The following SNX29 variants were observed in gnomAD, a reference collection of about 807,000 sequenced individuals.
SNX29 encodes the protein sorting nexin-29.
In SNX29, 78 loss-of-function variants were observed where a neutral mutation model predicts 102.1. The ratio of observed to expected loss-of-function variants is 0.76; its 90% confidence interval spans 0.64 to 0.92. The LOEUF (loss-of-function observed/expected upper bound fraction) is 0.92, where lower values mean the gene tolerates loss of function less well. Ranked by LOEUF, SNX29 falls within the 40% of genes least tolerant of loss-of-function variation. SNX29 has a pLI of 0.00. For missense variants in SNX29, 1,280 were observed against 1,061.7 expected (o/e 1.21, Z -2.86); for synonymous variants, 580 against 414.5 (o/e 1.40, Z -4.85).
At chr16:12,462,947 C>G (rs746786863) in intron 18 of SNX29, among the ~76,000 whole-genome samples, 1 of 152,222 alleles carries the variant, frequency 6.6e-6, no homozygotes, top group African/African-American at 2.4e-5. Flanking sequence ...GCTATGATCG[C>G]TGGATCCCCC....
intron 20 of SNX29, among the ~76,000 whole-genome samples, chr16:12,525,122 C>T (rs970857934): frequency 6.6e-6 from 1 of 152,076 alleles, no homozygotes; most frequent in Non-Finnish European, 1.5e-5. Flanking sequence ...TCACACATTT[C>T]GATCAAGGGA....
chr16:12,312,109 A>T (rs1397841650), intron 15 of SNX29, among the ~76,000 whole-genome samples: 1 of 152,164 alleles, frequency 6.6e-6, no homozygotes, highest in Non-Finnish European at 1.5e-5. Context: ...TGGGAAATGT[A>T]GTCTTTATCT....
chr16:12,540,745 C>G (rs76284831), intron 20 of SNX29, among the ~76,000 whole-genome samples: 17 of 152,240 alleles, frequency 1.1e-4, no homozygotes, highest in Admixed American at 7.2e-4. Context: ...CCTTGGGGCA[C>G]CATTGATCTT....
At chr16:12,564,224 C>G (rs531586818) in intron 20 of SNX29, among the ~76,000 whole-genome samples, 1,694 of 151,916 alleles carry the variant, frequency 0.011, 14 homozygotes, top group Non-Finnish European at 0.018. Flanking sequence ...CCCCACATCT[C>G]TAAGAGAAAA....
chr16:12,084,268 C>G (rs2052053445), intron 11 of SNX29, among the ~76,000 whole-genome samples: 1 of 152,020 alleles, frequency 6.6e-6, no homozygotes. Flanking sequence ...GCCTCAGCCT[C>G]ATGAGTAGCT....
intron 16 of SNX29, among the ~76,000 whole-genome samples, chr16:12,364,629 G>A (rs1321387212): frequency 6.6e-6 from 1 of 152,090 alleles, no homozygotes; most frequent in Non-Finnish European, 1.5e-5. Flanking sequence ...GACACAGCGC[G>A]GTGAAAGCTA....
intron 20 of SNX29, chr16:12,527,397 A>C (rs922565247): frequency 4.1e-6 from 2 of 485,110 alleles, no homozygotes; most frequent in Non-Finnish European, 7.9e-6. Flanking sequence ...AAGGAAATAA[A>C]CCCCCAAAGC....
intron 16 of SNX29, among the ~76,000 whole-genome samples, chr16:12,393,155 T>A (rs532093608): frequency 4.6e-5 from 7 of 152,330 alleles, no homozygotes; most frequent in African/African-American, 1.7e-4. Context: ...CATTTCATGA[T>A]TGGAACAAAG....
chr16:12,309,102 C>T (rs890092715), intron 15 of SNX29, among the ~76,000 whole-genome samples: 7 of 152,142 alleles, frequency 4.6e-5, no homozygotes, highest in Admixed American at 1.3e-4. Flanking sequence ...AAGTGTGTTT[C>T]GGAGTTATTT....
chr16:12,348,588 G>T (rs1018180791), intron 15 of SNX29, among the ~76,000 whole-genome samples: 7 of 152,080 alleles, frequency 4.6e-5, no homozygotes, highest in African/African-American at 1.4e-4. Flanking sequence ...CCTTTGAGAT[G>T]CTCCCAGCCC....
intron 11 of SNX29, among the ~76,000 whole-genome samples, chr16:12,093,128 T>G (rs2052627129): frequency 6.6e-6 from 1 of 152,230 alleles, no homozygotes; most frequent in East Asian, 1.9e-4. Flanking sequence ...TAATTCTGAG[T>G]GGCCAGCAGC....
rs548578246 is a variant in SNX29, at chr16:12,571,130, A to C, written c.*2501A>C. 1 of 232,496 alleles carries C rather than the reference A, an allele frequency of 4.3e-6. No individual in the cohort carries two copies. Among genetic ancestry groups the C allele is most frequent in the Non-Finnish European group, 8.5e-6 (1 of 117,646 alleles). 14.4% of individuals were successfully genotyped at this position (232,496 alleles called of 1,614,324 possible). On this transcript the variant is annotated 3_prime_UTR_variant, in exon 21 of 21. Coordinates refer to ENST00000566228, the MANE Select transcript of SNX29 (RefSeq NM_032167.5). ...GAATCCCATAGAATGTTCTGCAATG[A>C]TTGGGTCCATCTTGCTGCTCAGAAG...
rs1389640014 is a variant in SNX29 at position 12,461,840 on chromosome 16, C to T, written c.2038-15879C>T. ...GCATGGTGGCAGGTGCCTGTAATCC[C>T]AGCTACTGTGGAGGCTGAGGCAGGA... On this transcript the variant is annotated intron_variant, in intron 18 of 20. Coordinates refer to ENST00000566228, the MANE Select transcript of SNX29 (RefSeq NM_032167.5). Among the ~76,000 whole-genome samples the T allele has an allele frequency of 2.3e-4, 35 of 149,068 alleles. No homozygotes were observed. In the Admixed American group the frequency reaches 2.4e-3, roughly 10 times the overall value.
chr16:12,107,184 A>G (rs1263143093), intron 11 of SNX29, among the ~76,000 whole-genome samples: 1 of 152,122 alleles, frequency 6.6e-6, no homozygotes, highest in African/African-American at 2.4e-5. Flanking sequence ...GCAAGGCTGC[A>G]CGTGAAGGCG....
At chr16:12,163,080 C>T (rs1567267026) in intron 13 of SNX29, among the ~76,000 whole-genome samples, 1 of 152,166 alleles carries the variant, frequency 6.6e-6, no homozygotes. Flanking sequence ...TGGGGTTTCA[C>T]CATGTTGGCC....
chr16:12,261,922 G>A (rs1431138524), intron 14 of SNX29, among the ~76,000 whole-genome samples: 1 of 114,126 alleles, frequency 8.8e-6, no homozygotes, highest in East Asian at 2.7e-4. Context: ...GGAGTGAGTG[G>A]TTCCTGAGCC....
intron 18 of SNX29, among the ~76,000 whole-genome samples, chr16:12,449,013 G>T (rs116475874): frequency 6.6e-6 from 1 of 152,270 alleles, no homozygotes; most frequent in African/African-American, 2.4e-5. Context: ...AGAAGACTCA[G>T]TTTAGTTTCA....
At position 12,069,070 on chromosome 16, in the gene SNX29, A is replaced by G; in HGVS notation, c.1257A>G (p.Gly419=). ...GSYSPADAPL[G]SLENGTGPED... ...CTCTCTGCACAGATGCCCCCCTCGG[A>G]AGCCTGGAGAACGGGACAGGACCAG... The change falls in exon 10 of 21, where the codon GGA becomes GGG. Residue 419 remains glycine (G), a synonymous_variant. Transcript: ENST00000566228. 6.2e-7 allele frequency: 1 copy of G among 1,613,854 alleles called. No individual in the cohort carries two copies. The highest frequency in any genetic ancestry group is 8.5e-7 in the Non-Finnish European group (1 of 1,179,816).
At chr16:12,437,664 T>C (rs1365495331) in intron 18 of SNX29, among the ~76,000 whole-genome samples, 3 of 152,168 alleles carry the variant, frequency 2.0e-5, no homozygotes, top group African/African-American at 7.2e-5. Context: ...TCCTCCTTCA[T>C]AGCCCCAGGA....
Sources: allele counts gnomAD v4.1 joint callset (sites outside exome capture counted in the v4.1 genomes callset), GRCh38; gene constraint gnomAD v4.1.1; transcripts MANE v1.5; gene names NCBI Gene and HGNC (gene_info 2026-07-23, HGNC 2026-07-21).